GRM7: variants seen among roughly 807,000 people sequenced by gnomAD.
GRM7 encodes the protein glutamate metabotropic receptor 7.
Under a neutral mutation model 84.5 loss-of-function variants are expected in GRM7, and 35 were observed. That is an observed-to-expected ratio of 0.41 (90% confidence interval 0.32 to 0.55). The LOEUF (loss-of-function observed/expected upper bound fraction) is 0.55, where lower values mean the gene tolerates loss of function less well. GRM7 is among the 20% of genes least tolerant of loss of function. The pLI is 0.19. For missense variants in GRM7, 1,003 were observed against 1,194.6 expected, an observed-to-expected ratio of 0.84 and a Z score of 2.36; for synonymous variants, 487 against 455.1, an observed-to-expected ratio of 1.07 and a Z score of -0.89.
intron 2 of GRM7, among the ~76,000 whole-genome samples, chr3:7,165,199 T>C (rs1694759950): frequency 6.6e-6 from 1 of 152,250 alleles, no homozygotes; most frequent in Admixed American, 6.5e-5. Flanking sequence ...CTGTTTCTGG[T>C]TAACCACCCC....
intron 1 of GRM7, among the ~76,000 whole-genome samples, chr3:7,028,189 C>A (rs1342988960): frequency 6.6e-6 from 1 of 152,154 alleles, no homozygotes; most frequent in Non-Finnish European, 1.5e-5. Flanking sequence ...ACAAAGTCAG[C>A]TTACTATTTA....
intron 8 of GRM7, among the ~76,000 whole-genome samples, chr3:7,665,673 T>TAAG (rs1326693905): frequency 9.6e-6 from 1 of 104,438 alleles, no homozygotes. Context: ...TTTCATTAAA[T>TAAG]AAGTTTTTAA....
chr3:7,306,375 G>GT, intron 3 of GRM7, 123 bp from the exon 4 acceptor site: 3 of 759,718 alleles, frequency 3.9e-6, no homozygotes, highest in Non-Finnish European at 4.4e-6. Context: ...TCTTTATCAA[G>GT]TTTTTTGCAA....
At chr3:7,481,486 G>A (rs1461407455) in intron 7 of GRM7, among the ~76,000 whole-genome samples, 2 of 152,222 alleles carry the variant, frequency 1.3e-5, no homozygotes, top group Non-Finnish European at 2.9e-5. Flanking sequence ...AGTAAGATAA[G>A]CTTGAGTTGA....
intron 1 of GRM7, among the ~76,000 whole-genome samples, chr3:7,048,646 A>ATG (rs1342626376): frequency 6.6e-6 from 1 of 151,992 alleles, no homozygotes; most frequent in Admixed American, 6.6e-5. Context: ...AGGTTTTGAT[A>ATG]TGTATATATG....
intron 1 of GRM7, among the ~76,000 whole-genome samples, chr3:6,901,636 A>AAAAAAATAT (rs1559317776): frequency 1.4e-5 from 2 of 140,370 alleles, no homozygotes; most frequent in African/African-American, 5.9e-5. Flanking sequence ...AAAAAAAAAA[A>AAAAAAATAT]ATATGTAGAA....
At chr3:6,868,298 T>G (rs1695004510) in intron 1 of GRM7, among the ~76,000 whole-genome samples, 2 of 152,202 alleles carry the variant, frequency 1.3e-5, no homozygotes, top group Admixed American at 6.5e-5. Context: ...AATGCATAAA[T>G]GCTTAAAGTA....
At chr3:7,010,327 G>A (rs1254181803) in intron 1 of GRM7, among the ~76,000 whole-genome samples, 1 of 152,180 alleles carries the variant, frequency 6.6e-6, no homozygotes, top group African/African-American at 2.4e-5. Flanking sequence ...GGCAGTGTGT[G>A]CCTGTAGTCC....
At chr3:7,338,015 C>T (rs1257908658) in intron 4 of GRM7, among the ~76,000 whole-genome samples, 1 of 151,376 alleles carries the variant, frequency 6.6e-6, no homozygotes, top group East Asian at 1.9e-4. Flanking sequence ...GCCCATCAAA[C>T]AATGAGCAAA....
Position 7,659,099 on chromosome 3 carries a change from G to C in GRM7, c.2452-20950G>C, listed in dbSNP as rs986951560. ...GAATTGCTCATATTTCTGTTGAGCTGTCTCCCTTCAAGACCTGCTCTGATT... is the reference window on the plus strand; with the variant it reads ...GAATTGCTCATATTTCTGTTGAGCTCTCTCCCTTCAAGACCTGCTCTGATT... On this transcript the variant is annotated intron_variant, in intron 8 of 9. Transcript: ENST00000357716. Among the ~76,000 whole-genome samples the C allele has an allele frequency of 3.0e-4, 45 of 152,296 alleles. 1 individual carries two copies. The South Asian group carries it at 9.1e-3, about 31-fold the overall frequency.
At chr3:7,165,389 T>C (rs1341475971) in intron 2 of GRM7, among the ~76,000 whole-genome samples, 1 of 152,202 alleles carries the variant, frequency 6.6e-6, no homozygotes, top group Admixed American at 6.5e-5. Flanking sequence ...ACTATCAGAG[T>C]AATATAGAAT....
intron 4 of GRM7, among the ~76,000 whole-genome samples, chr3:7,369,057 T>A (rs113996176): frequency 3.8e-4 from 57 of 151,926 alleles, no homozygotes; most frequent in Non-Finnish European, 7.2e-4. Context: ...ACCTGAGAAA[T>A]CTTTCTTTAT....
chr3:7,135,047 G>C (rs563433688), intron 1 of GRM7, among the ~76,000 whole-genome samples: 68 of 152,272 alleles, frequency 4.5e-4, no homozygotes, highest in Middle Eastern at 3.4e-3. Flanking sequence ...AAGGAAAAAA[G>C]AGTTGCAATA....
At chr3:7,523,586 A>T (rs1196870493) in intron 7 of GRM7, among the ~76,000 whole-genome samples, 2 of 152,186 alleles carry the variant, frequency 1.3e-5, no homozygotes, top group African/African-American at 2.4e-5. Context: ...GCATCATTTA[A>T]ATTTGAGGGA....
At chr3:7,284,247 T>C (rs569701865) in intron 2 of GRM7, among the ~76,000 whole-genome samples, 1 of 151,742 alleles carries the variant, frequency 6.6e-6, no homozygotes, top group East Asian at 1.9e-4. Context: ...AGTGTTTGGC[T>C]TCAGGAGTTA....
At chr3:7,412,700 C>T (rs556032517) in intron 4 of GRM7, among the ~76,000 whole-genome samples, 1 of 152,200 alleles carries the variant, frequency 6.6e-6, no homozygotes, top group South Asian at 2.1e-4. Flanking sequence ...ACCAATGGGG[C>T]ATTTGCTTCA....
At chr3:6,922,121 T>G (rs6775714) in intron 1 of GRM7, among the ~76,000 whole-genome samples, 12,126 of 152,274 alleles carry the variant, frequency 0.08, 589 homozygotes, top group Admixed American at 0.11. Context: ...GATTCCTTTT[T>G]TTATAGATGT....
At chr3:7,199,324 C>T (rs1040686382) in intron 2 of GRM7, among the ~76,000 whole-genome samples, 12 of 152,202 alleles carry the variant, frequency 7.9e-5, no homozygotes, top group African/African-American at 2.9e-4. Context: ...GTGAGGCCTT[C>T]ATGGGCCTTC....
intron 9 of GRM7, among the ~76,000 whole-genome samples, chr3:7,689,377 G>A (rs1034585878): frequency 2.0e-5 from 3 of 152,150 alleles, no homozygotes; most frequent in Non-Finnish European, 2.9e-5. Context: ...TATCTCTGCT[G>A]TAACTGGAGA....
Sources: allele counts gnomAD v4.1 joint callset (sites outside exome capture counted in the v4.1 genomes callset), GRCh38; gene constraint gnomAD v4.1.1; transcripts MANE v1.5; gene names NCBI Gene and HGNC (gene_info 2026-07-23, HGNC 2026-07-21).